Variants in CTNNA3 observed in about 807,000 individuals in gnomAD.
CTNNA3 encodes catenin alpha 3, also known as catenin alpha-3.
A neutral mutation model predicts 95.7 loss-of-function variants in CTNNA3; 76 were observed. The ratio of observed to expected loss-of-function variants is 0.79; its 90% CI spans 0.66 to 0.96. CTNNA3 has a LOEUF of 0.96. Among genes scored for constraint, CTNNA3 ranks in the 40% least tolerant of loss-of-function variants. The pLI, the probability that CTNNA3 is intolerant of heterozygous loss-of-function variation, is 0.00. For missense variants in CTNNA3, 1,191 were observed against 1,089.8 expected (o/e 1.09, Z -1.31); for synonymous variants, 431 against 374.4 (o/e 1.15, Z -1.74).
chr10:66,147,516 T>C (rs2083949197), intron 13 of CTNNA3, among the ~76,000 whole-genome samples: 2 of 151,596 alleles, frequency 1.3e-5, no homozygotes, highest in South Asian at 4.2e-4. Context: ...TGACTCTCCC[T>C]CATTTATTTT....
At chr10:67,014,056 TA>T in intron 7 of CTNNA3, among the ~76,000 whole-genome samples, 1 of 152,204 alleles carries the variant, frequency 6.6e-6, no homozygotes, top group Admixed American at 6.5e-5. Context: ...GTGTAAAAAA[TA>T]ACCTTTTTTC....
intron 5 of CTNNA3, among the ~76,000 whole-genome samples, chr10:67,262,155 G>T: frequency 6.6e-6 from 1 of 151,964 alleles, no homozygotes; most frequent in East Asian, 1.9e-4. Context: ...GAAGAGAAAA[G>T]GCATAATTAT....
Position 65,929,559 on chromosome 10 carries a change from TTTTC to T in CTNNA3, c.2401-8946_2401-8943del, listed in dbSNP as rs1164386942. ...CCATGCACATAAATGAAGCTATAGC[TTTTC>T]TTTCTTTCTTTTTTTTTTTTTTGGA... On this transcript the variant is annotated intron_variant, in intron 17 of 17. Transcript: ENST00000433211. 3.9e-5 allele frequency among the ~76,000 whole-genome samples: 6 copies of T among 151,958 alleles called. No homozygotes were observed. The East Asian group carries it at 7.8e-4, about 20-fold the overall frequency.
intron 9 of CTNNA3, among the ~76,000 whole-genome samples, chr10:66,632,765 A>G (rs1845190751): frequency 1.3e-5 from 2 of 152,030 alleles, no homozygotes; most frequent in Admixed American, 1.3e-4. Context: ...TATTGAAAAT[A>G]AAGTTAAAAT....
At chr10:67,499,709 T>C (rs1385736017) in intron 5 of CTNNA3, among the ~76,000 whole-genome samples, 1 of 152,320 alleles carries the variant, frequency 6.6e-6, no homozygotes, top group Non-Finnish European at 1.5e-5. Flanking sequence ...GATTTTCTAG[T>C]TTATTTGTGT....
At chr10:67,136,792 A>T (rs1860326626) in intron 7 of CTNNA3, among the ~76,000 whole-genome samples, 1 of 152,212 alleles carries the variant, frequency 6.6e-6, no homozygotes, top group Non-Finnish European at 1.5e-5. Flanking sequence ...AGAATATAGA[A>T]AGAAATCATC....
At chr10:66,257,779 TA>T (rs1242366010) in intron 13 of CTNNA3, among the ~76,000 whole-genome samples, 1 of 152,190 alleles carries the variant, frequency 6.6e-6, no homozygotes. Context: ...ATTTTAGCTG[TA>T]AAGGAATCAG....
intron 15 of CTNNA3, among the ~76,000 whole-genome samples, chr10:66,043,867 T>C (rs1484283213): frequency 6.6e-6 from 1 of 152,100 alleles, no homozygotes; most frequent in African/African-American, 2.4e-5. Flanking sequence ...GAATCTGCCT[T>C]TTCTAATATT....
chr10:67,627,386 A>AC (rs1838994455), intron 2 of CTNNA3, among the ~76,000 whole-genome samples: 1 of 152,204 alleles, frequency 6.6e-6, no homozygotes, highest in Non-Finnish European at 1.5e-5. Flanking sequence ...ATGGGGAGGG[A>AC]CCTGTGTCCA....
chr10:66,316,990 A>T (rs1307656196), intron 12 of CTNNA3, among the ~76,000 whole-genome samples: 1 of 152,116 alleles, frequency 6.6e-6, no homozygotes, highest in Non-Finnish European at 1.5e-5. Flanking sequence ...CACCCATAAG[A>T]TAGATGAAAG....
intron 5 of CTNNA3, among the ~76,000 whole-genome samples, chr10:67,418,209 T>C (rs542739879): frequency 6.6e-6 from 1 of 152,276 alleles, no homozygotes; most frequent in Admixed American, 6.5e-5. Context: ...ACAATAAATA[T>C]CATATGGAAA....
chr10:67,458,965 T>A (rs1847275259), intron 5 of CTNNA3, among the ~76,000 whole-genome samples: 1 of 152,156 alleles, frequency 6.6e-6, no homozygotes, highest in East Asian at 1.9e-4. Context: ...TCCAACTCCC[T>A]AGCAATGGTG....
intron 5 of CTNNA3, among the ~76,000 whole-genome samples, chr10:67,373,265 A>G (rs1044387774): frequency 9.9e-5 from 15 of 152,200 alleles, no homozygotes; most frequent in Non-Finnish European, 1.9e-4. Flanking sequence ...CTCAAAATAA[A>G]GGGATGGAGG....
rs756877325 is a variant in CTNNA3 at position 66,480,611 on chromosome 10, AT to A, written c.1531+40005del. ...TGTTGGCAAAATAATTTATTTATTT[AT>A]TTTTTTTTTTGAGACAAAGTCTCGC... On this transcript the variant is annotated intron_variant, in intron 11 of 17. Transcript: ENST00000433211. Among the ~76,000 whole-genome samples, 297 of 149,748 alleles carry A rather than the reference AT, an allele frequency of 2.0e-3. 5 individuals carry two copies. In the East Asian group the frequency reaches 0.04, roughly 20 times the overall value.
chr10:66,510,222 A>G (rs1840606478), intron 11 of CTNNA3, among the ~76,000 whole-genome samples: 1 of 151,750 alleles, frequency 6.6e-6, no homozygotes, highest in African/African-American at 2.4e-5. Flanking sequence ...AATACTAATT[A>G]TTTTTGTATG....
intron 3 of CTNNA3, among the ~76,000 whole-genome samples, chr10:67,604,927 A>G (rs1160687547): frequency 6.6e-6 from 1 of 152,230 alleles, no homozygotes; most frequent in Admixed American, 6.5e-5. Context: ...TAAAATATAA[A>G]TTGTATATAA....
intron 12 of CTNNA3, among the ~76,000 whole-genome samples, chr10:66,368,982 T>C (rs2092733241): frequency 6.6e-6 from 1 of 152,154 alleles, no homozygotes; most frequent in Non-Finnish European, 1.5e-5. Flanking sequence ...AAAATCCCTA[T>C]ATCAGCAGAG....
At chr10:67,411,796 T>TGTTAGTTGTTTGATGTTA (rs1300260063) in intron 5 of CTNNA3, among the ~76,000 whole-genome samples, 2 of 152,088 alleles carry the variant, frequency 1.3e-5, no homozygotes, top group African/African-American at 2.4e-5. Context: ...CCAACTAACA[T>TGTTAGTTGTTTGATGTTA]CAAACTTAGA....
intron 13 of CTNNA3, among the ~76,000 whole-genome samples, chr10:66,261,921 T>G (rs1564822344): frequency 6.6e-6 from 1 of 151,892 alleles, no homozygotes; most frequent in Non-Finnish European, 1.5e-5. Flanking sequence ...CCAAAACCCT[T>G]AAAAACCCAG....
Sources: gnomAD v4.1 joint callset for allele counts (sites outside exome capture counted in the v4.1 genomes callset) on GRCh38, gnomAD v4.1.1 for gene constraint, MANE v1.5 for transcripts, NCBI Gene and HGNC (gene_info 2026-07-23, HGNC 2026-07-21) for gene names.